Variants in ABCB5 observed in about 807,000 individuals in gnomAD.
The protein encoded by ABCB5 is ATP binding cassette subfamily B member 5, also known as ATP-binding cassette sub-family B member 5.
ABCB5 carries 155 observed loss-of-function variants against 144.2 expected under a neutral mutation model. The ratio of observed to expected loss-of-function variants is 1.08; its 90% CI spans 0.94 to 1.23. ABCB5 has a LOEUF of 1.23. Among genes scored for constraint, ABCB5 ranks in the 50% most tolerant of loss-of-function variants. The pLI, the probability that ABCB5 is intolerant of heterozygous loss-of-function variation, is 0.00. For synonymous variants in ABCB5, 610 were observed against 528.6 expected, an observed-to-expected ratio of 1.15 and a Z score of -2.11; for missense variants, 1,830 against 1,520.8, an observed-to-expected ratio of 1.20 and a Z score of -3.38.
intron 20 of ABCB5, among the ~76,000 whole-genome samples, chr7:20,707,937 G>A (rs543098934): frequency 1.4e-3 from 216 of 151,602 alleles, no homozygotes; most frequent in African/African-American, 5.1e-3. Flanking sequence ...CCGAGTAGCT[G>A]GGACTACAGG....
At chr7:20,720,328 T>G (rs961365239) in intron 20 of ABCB5, among the ~76,000 whole-genome samples, 1 of 152,228 alleles carries the variant, frequency 6.6e-6, no homozygotes, top group Non-Finnish European at 1.5e-5. Flanking sequence ...AGTTGAAAGT[T>G]TGATGAGAAA....
chr7:20,722,957 G>A (rs1781920390), intron 20 of ABCB5, 59 bp from the exon 21 acceptor site: 1 of 1,480,932 alleles, frequency 6.8e-7, no homozygotes, highest in African/African-American at 1.4e-5. Context: ...ACTATAATAG[G>A]AACTCTTGTA....
chr7:20,676,377 GA>G (rs939956278), intron 14 of ABCB5, among the ~76,000 whole-genome samples: 77 of 152,034 alleles, frequency 5.1e-4, no homozygotes, highest in African/African-American at 1.9e-3. Flanking sequence ...AACAGATAAA[GA>G]AAAATATGAT....
At chr7:20,651,704 C>G (rs970820912) in intron 13 of ABCB5, 81 bp downstream of exon 13, 10 of 1,414,334 alleles carry the variant, frequency 7.1e-6, no homozygotes, top group Non-Finnish European at 9.9e-6. Context: ...GAAACAACAA[C>G]TGATGCAGAA....
At position 20,628,746 on chromosome 7, in the gene ABCB5, T is replaced by G. The variant is rs1783965083; in HGVS notation, c.167T>G (p.Leu56Arg). 1 of 1,613,580 alleles carries G rather than the reference T, an allele frequency of 6.2e-7. No individual in the cohort carries two copies. The highest frequency in any genetic ancestry group is 1.7e-5 in the Admixed American group (1 of 59,916). The change falls in exon 4 of 28, where the codon CTG becomes CGG. Residue 56 changes from leucine (L) to arginine (R), a missense_variant. Coordinates refer to ENST00000404938, the MANE Select transcript of ABCB5 (RefSeq NM_001163941.2). Reference sequence around the variant, plus strand: ...ATGATCCTGGGTATACTGGCATCACTGGTCAATGGAGCCTGCCTTCCTTTA... The same window carrying G: ...ATGATCCTGGGTATACTGGCATCACGGGTCAATGGAGCCTGCCTTCCTTTA... ...TLMILGILAS[L>R]VNGACLPLMP...
intron 16 of ABCB5, among the ~76,000 whole-genome samples, chr7:20,696,088 A>G (rs1786406096): frequency 6.6e-6 from 1 of 152,114 alleles, no homozygotes; most frequent in Non-Finnish European, 1.5e-5. Flanking sequence ...AAATGAAAGT[A>G]TATGTCCACA....
At chr7:20,681,747 A>T (rs745583534) in intron 15 of ABCB5, 81 bp downstream of exon 15, 1 of 1,499,778 alleles carries the variant, frequency 6.7e-7, no homozygotes, top group East Asian at 2.3e-5. Context: ...CAAAAGTTGC[A>T]AATTATAATC....
chr7:20,725,293 T>C (rs1337211866), intron 21 of ABCB5, among the ~76,000 whole-genome samples: 2 of 152,266 alleles, frequency 1.3e-5, no homozygotes, highest in East Asian at 3.9e-4. Context: ...TTTAAGACTT[T>C]GAATGGGCCA....
chr7:20,727,366 T>C (rs1277975629), intron 22 of ABCB5, among the ~76,000 whole-genome samples: 1 of 152,228 alleles, frequency 6.6e-6, no homozygotes, highest in Non-Finnish European at 1.5e-5. Flanking sequence ...TACCATTAAC[T>C]GTCTGTTACT....
intron 23 of ABCB5, among the ~76,000 whole-genome samples, chr7:20,734,394 C>T (rs562448393): frequency 6.6e-6 from 1 of 150,408 alleles, no homozygotes; most frequent in East Asian, 1.9e-4. Flanking sequence ...CTGGTTAAAA[C>T]TGTAGATACC....
intron 4 of ABCB5, among the ~76,000 whole-genome samples, chr7:20,630,545 T>C (rs1784015581): frequency 6.6e-6 from 1 of 152,150 alleles, no homozygotes; most frequent in Non-Finnish European, 1.5e-5. Context: ...AATATTTTAA[T>C]AATATGAACA....
intron 14 of ABCB5, among the ~76,000 whole-genome samples, chr7:20,664,160 A>C (rs7801455): frequency 1.3e-5 from 2 of 151,956 alleles, no homozygotes; most frequent in African/African-American, 4.8e-5. Flanking sequence ...CAGAAGGATC[A>C]TACCCTTTAA....
rs2074000 is a variant in ABCB5 at position 20,645,861 on chromosome 7, C to A, written c.784C>A (p.Gln262Lys). 0.034 allele frequency: 54,686 copies of A among 1,613,588 alleles called. 7,768 individuals carry two copies. In the East Asian group the frequency reaches 0.48, roughly 14 times the overall value. The change falls in exon 8 of 28, where the codon CAG becomes AAG. Residue 262 changes from glutamine (Q) to lysine (K), a missense_variant. By Grantham distance (53) the Gln-to-Lys change is moderately conservative (BLOSUM62 1). Coordinates refer to ENST00000404938, the MANE Select transcript of ABCB5 (RefSeq NM_001163941.2). The part of the protein sequence containing the change: ...SIRTVIAFRA[Q>K]EKELQRYTQN... ...CCGAACAGTCATAGCCTTTAGGGCC[C>A]AGGAGAAAGAACTTCAAAGGTCTTT...
intron 14 of ABCB5, among the ~76,000 whole-genome samples, chr7:20,665,891 C>T (rs993359667): frequency 4.7e-5 from 7 of 149,558 alleles, no homozygotes; most frequent in Admixed American, 6.7e-5. Context: ...AATGTTGGGC[C>T]GGGCCTGGTG....
chr7:20,628,183 G>C (rs943674935), intron 3 of ABCB5, among the ~76,000 whole-genome samples: 3 of 147,026 alleles, frequency 2.0e-5, no homozygotes, highest in Non-Finnish European at 3.0e-5. Context: ...AACAGGCCCC[G>C]GTGTGTGATG....
intron 7 of ABCB5, among the ~76,000 whole-genome samples, chr7:20,644,939 T>C (rs1216175316): frequency 2.6e-5 from 4 of 152,220 alleles, no homozygotes; most frequent in Non-Finnish European, 5.9e-5. Context: ...AGGAAGGAAA[T>C]CTCAGTAGAA....
chr7:20,642,566 A>G (rs73688305), intron 5 of ABCB5, among the ~76,000 whole-genome samples: 36,666 of 152,048 alleles, frequency 0.24, 4,629 homozygotes, highest in African/African-American at 0.29. Flanking sequence ...TCCTGCCAGA[A>G]TTGGAGGACT....
chr7:20,656,722 C>T (rs1342216563), intron 13 of ABCB5, among the ~76,000 whole-genome samples: 1 of 152,014 alleles, frequency 6.6e-6, no homozygotes, highest in Non-Finnish European at 1.5e-5. Flanking sequence ...GTTAAACATA[C>T]ACTTATGACT....
intron 24 of ABCB5, among the ~76,000 whole-genome samples, chr7:20,740,938 C>G (rs767865787): frequency 2.0e-5 from 3 of 151,764 alleles, no homozygotes; most frequent in Admixed American, 6.6e-5. Flanking sequence ...AAAGCCCCAT[C>G]GCTAACAAAA....
Sources: allele counts gnomAD v4.1 joint callset (sites outside exome capture counted in the v4.1 genomes callset), GRCh38; gene constraint gnomAD v4.1.1; transcripts MANE v1.5; gene names NCBI Gene and HGNC (gene_info 2026-07-23, HGNC 2026-07-21).